PRKCQ: variants seen among roughly 807,000 people sequenced by gnomAD.
The protein encoded by PRKCQ is protein kinase C theta.
A neutral mutation model predicts 91.2 loss-of-function variants in PRKCQ; 41 were observed. That is an observed-to-expected ratio of 0.45 (90% CI 0.35 to 0.58). The LOEUF is 0.58. Ranked by LOEUF, PRKCQ falls within the 20% of genes least tolerant of loss-of-function variation. The probability of loss-of-function intolerance (pLI) is 0.00; values close to 1 mark genes in which losing one functional copy is unlikely to be tolerated. For synonymous variants in PRKCQ, 307 were observed against 316.9 expected, an observed-to-expected ratio of 0.97 and a Z score of 0.33; for missense variants, 673 against 896.5, an observed-to-expected ratio of 0.75 and a Z score of 3.18.
intron 13 of PRKCQ, among the ~76,000 whole-genome samples, chr10:6,463,907 C>T (rs1271645539): frequency 6.6e-6 from 1 of 152,174 alleles, no homozygotes. Flanking sequence ...GACTAAGTGC[C>T]TCTTCCTGCT....
chr10:6,438,741 G>A (rs757116807), intron 16 of PRKCQ, among the ~76,000 whole-genome samples: 3 of 152,078 alleles, frequency 2.0e-5, no homozygotes, highest in African/African-American at 4.8e-5. Flanking sequence ...GACCATAGGC[G>A]CCAGCCACCC....
intron 3 of PRKCQ, 133 bp downstream of exon 3, chr10:6,510,862 G>C: frequency 2.3e-6 from 2 of 886,820 alleles, no homozygotes; most frequent in Non-Finnish European, 1.8e-6. Flanking sequence ...CAAATCACCA[G>C]TAGGAAGTGG....
intron 1 of PRKCQ, among the ~76,000 whole-genome samples, chr10:6,553,918 G>T (rs527413970): frequency 6.6e-6 from 1 of 151,958 alleles, no homozygotes; most frequent in Admixed American, 6.6e-5. Flanking sequence ...TGATAGTACA[G>T]AATTATATTT....
At chr10:6,520,649 C>T (rs1017851138) in intron 1 of PRKCQ, among the ~76,000 whole-genome samples, 1 of 152,136 alleles carries the variant, frequency 6.6e-6, no homozygotes, top group African/African-American at 2.4e-5. Flanking sequence ...CCTTCCTTCC[C>T]CTCCTCTAGA....
chr10:6,404,984 T>C, the PRKCQ span, among the ~76,000 whole-genome samples: 283 of 138,402 alleles, frequency 2.0e-3, 3 homozygotes, highest in African/African-American at 5.1e-3. Context: ...CTCTCTCTCT[T>C]TCTTTCTTTC....
chr10:6,482,898 C>A (rs181917284), intron 11 of PRKCQ, among the ~76,000 whole-genome samples: 1 of 152,234 alleles, frequency 6.6e-6, no homozygotes, highest in East Asian at 1.9e-4. Context: ...AACCCATCCC[C>A]ATGATTCAAT....
intron 1 of PRKCQ, among the ~76,000 whole-genome samples, chr10:6,523,867 G>A (rs1026960771): frequency 1.3e-5 from 2 of 152,136 alleles, no homozygotes; most frequent in Non-Finnish European, 2.9e-5. Context: ...TCCGTGTATT[G>A]AGTTCAAGTT....
chr10:6,404,283 A>AGAGAGAGAGG, the PRKCQ span, among the ~76,000 whole-genome samples: 1 of 148,126 alleles, frequency 6.8e-6, no homozygotes, highest in Non-Finnish European at 1.5e-5. Context: ...AGAGAGAGAG[A>AGAGAGAGAGG]GAGATTGCAT....
intron 2 of PRKCQ, 85 bp from the exon 3 acceptor site, chr10:6,511,279 C>T (rs1564364591): frequency 8.0e-7 from 1 of 1,252,224 alleles, no homozygotes. Flanking sequence ...GCACCTGCTC[C>T]CTCTGTTCTC....
intron 1 of PRKCQ, among the ~76,000 whole-genome samples, chr10:6,570,929 G>T (rs1398668636): frequency 6.6e-6 from 1 of 152,156 alleles, no homozygotes; most frequent in East Asian, 1.9e-4. Context: ...GAGGCGTGCA[G>T]CCCTGTGATC....
At chr10:6,500,162 T>C (rs1837829624) in intron 4 of PRKCQ, among the ~76,000 whole-genome samples, 2 of 152,336 alleles carry the variant, frequency 1.3e-5, no homozygotes, top group South Asian at 4.1e-4. Flanking sequence ...AATCACCTTC[T>C]TCCACAAGTT....
the PRKCQ span, among the ~76,000 whole-genome samples, chr10:6,402,783 AC>A: frequency 6.6e-6 from 1 of 152,158 alleles, no homozygotes; most frequent in African/African-American, 2.4e-5. Flanking sequence ...GGTCGTGGGC[AC>A]CTGTAGTCCC....
chr10:6,456,039 G>A (rs936136838), intron 15 of PRKCQ, among the ~76,000 whole-genome samples: 1 of 152,160 alleles, frequency 6.6e-6, no homozygotes, highest in African/African-American at 2.4e-5. Flanking sequence ...CAGCTGGGGA[G>A]GATTCTGTGA....
chr10:6,453,485 G>T (rs1427834688), intron 15 of PRKCQ, among the ~76,000 whole-genome samples: 1 of 152,246 alleles, frequency 6.6e-6, no homozygotes, highest in African/African-American at 2.4e-5. Flanking sequence ...CTGCCAACTA[G>T]TTCAACCATT....
intron 4 of PRKCQ, among the ~76,000 whole-genome samples, chr10:6,504,194 C>T (rs1014589943): frequency 6.6e-6 from 1 of 152,202 alleles, no homozygotes; most frequent in African/African-American, 2.4e-5. Flanking sequence ...TAGATTGTTC[C>T]TTTTATTTTA....
At chr10:6,423,467 C>G (rs1833050733), downstream of PRKCQ, among the ~76,000 whole-genome samples, 1 of 152,194 alleles carries the variant, frequency 6.6e-6, no homozygotes, top group East Asian at 1.9e-4. Flanking sequence ...TGGCTTCATT[C>G]CCCGGCCTGC....
downstream of PRKCQ, among the ~76,000 whole-genome samples, chr10:6,422,654 C>T (rs1833031845): frequency 6.6e-6 from 1 of 152,210 alleles, no homozygotes; most frequent in Non-Finnish European, 1.5e-5. Context: ...CACCCAGTAC[C>T]TGGTAATTGC....
At chr10:6,468,211 G>A (rs1835784650) in intron 12 of PRKCQ, among the ~76,000 whole-genome samples, 1 of 152,186 alleles carries the variant, frequency 6.6e-6, no homozygotes. Context: ...TTTAAAGGGA[G>A]GAATAGGACA....
At chr10:6,553,974 T>TAAAA (rs35281231) in intron 1 of PRKCQ, among the ~76,000 whole-genome samples, 1 of 151,028 alleles carries the variant, frequency 6.6e-6, no homozygotes. Flanking sequence ...GTGGAAACAG[T>TAAAA]AAAAAAAAAC....
Sources: gnomAD v4.1 joint callset for allele counts (sites outside exome capture counted in the v4.1 genomes callset) on GRCh38, gnomAD v4.1.1 for gene constraint, MANE v1.5 for transcripts, NCBI Gene and HGNC (gene_info 2026-07-23, HGNC 2026-07-21) for gene names.